BIN1: variants seen among roughly 807,000 people sequenced by gnomAD.
The protein encoded by BIN1 is bridging integrator 1.
In BIN1, 53 loss-of-function variants were observed where a neutral mutation model predicts 82.0. That is an observed-to-expected ratio of 0.65 (90% confidence interval 0.52 to 0.81). The LOEUF is 0.81. BIN1 is among the 40% of genes least tolerant of loss of function. BIN1 has a pLI of 0.00. For synonymous variants in BIN1, 302 were observed against 328.0 expected (o/e 0.92, Z 0.86); for missense variants, 642 against 784.4 (o/e 0.82, Z 2.17).
rs375398827 is a variant in BIN1 at position 127,072,388 on chromosome 2, C to T, written c.166-1572G>A. ...ACTGTCCCACCTGACAGCAAAGAAG[C>T]GGACAGAGGGTCAGCGACCGGCCCA... On this transcript the variant is annotated intron_variant, in intron 2 of 18. Transcript: ENST00000316724. 6.6e-4 allele frequency among the ~76,000 whole-genome samples: 100 copies of T among 152,310 alleles called. 1 individual carries two copies. The highest frequency in any genetic ancestry group is 2.1e-3 in the African/African-American group (87 of 41,572).
chr2:127,070,477 G>A, intron 4 of BIN1, 76 bp downstream of exon 4: 5 of 1,546,380 alleles, frequency 3.2e-6, no homozygotes, highest in Non-Finnish European at 4.4e-6. Context: ...TTGTCCCAGA[G>A]GGCACGGCAG....
chr2:127,061,213 C>A (rs1381646452), intron 10 of BIN1, among the ~76,000 whole-genome samples: 1 of 146,038 alleles, frequency 6.8e-6, no homozygotes, highest in Admixed American at 6.8e-5. Flanking sequence ...CCGCTACCCA[C>A]CCCCCCAACC....
chr2:127,101,006 T>TGGGGGGG (rs368156938), intron 1 of BIN1, among the ~76,000 whole-genome samples: 2 of 109,212 alleles, frequency 1.8e-5, no homozygotes, highest in Non-Finnish European at 3.8e-5. Context: ...GTGCGGGGGG[T>TGGGGGGG]GGGGATAGAC....
At chr2:127,061,007 G>A (rs1684383464) in intron 10 of BIN1, among the ~76,000 whole-genome samples, 1 of 152,154 alleles carries the variant, frequency 6.6e-6, no homozygotes, top group Non-Finnish European at 1.5e-5. Flanking sequence ...CTGGAAGGGA[G>A]ACTCCTGGGC....
intron 1 of BIN1, among the ~76,000 whole-genome samples, chr2:127,080,732 C>T (rs1470709520): frequency 1.3e-5 from 2 of 152,218 alleles, no homozygotes; most frequent in African/African-American, 2.4e-5. Context: ...GTGAGTGGAG[C>T]TGAAGTGCCT....
At chr2:127,060,261 A>G (rs759027130) in intron 10 of BIN1, among the ~76,000 whole-genome samples, 11 of 152,234 alleles carry the variant, frequency 7.2e-5, no homozygotes, top group Non-Finnish European at 1.5e-4. Flanking sequence ...AAAACCCCAC[A>G]GTGCTGCAGT....
rs1052579600 is a variant in BIN1 at position 127,082,738 on chromosome 2, C to A, written c.85-6032G>T. Among the ~76,000 whole-genome samples the A allele has an allele frequency of 6.6e-6, 1 of 152,142 alleles. No individual in the cohort carries two copies. The highest frequency in any genetic ancestry group is 2.4e-5 in the African/African-American group (1 of 41,412). ...CGAGCTGTCCCTGCAACCAGACACA[C>A]AGGACCCCTCTCCCGGCTGCTGCTC... On this transcript the variant is annotated intron_variant, in intron 1 of 18. Transcript: ENST00000316724. The surrounding 1 kb of genome is among the most constrained non-coding windows in gnomAD (Gnocchi z 6.1).
chr2:127,058,784 G>A (rs1684042566), intron 11 of BIN1, among the ~76,000 whole-genome samples: 1 of 152,126 alleles, frequency 6.6e-6, no homozygotes, highest in Admixed American at 6.5e-5. Flanking sequence ...CAGTGGGGGT[G>A]GGGGCTGGGG....
At chr2:127,100,720 T>C (rs1680201700) in intron 1 of BIN1, among the ~76,000 whole-genome samples, 1 of 152,172 alleles carries the variant, frequency 6.6e-6, no homozygotes. Flanking sequence ...TGTCAGCCCT[T>C]GGCAGGTCCA....
intron 1 of BIN1, among the ~76,000 whole-genome samples, chr2:127,102,230 T>C (rs57811456): frequency 6.6e-6 from 1 of 152,212 alleles, no homozygotes; most frequent in African/African-American, 2.4e-5. Flanking sequence ...ACTCAGGGAT[T>C]CTAGAACCTC....
At chr2:127,073,020 C>T (rs1400112533) in intron 2 of BIN1, among the ~76,000 whole-genome samples, 1 of 152,240 alleles carries the variant, frequency 6.6e-6, no homozygotes, top group Non-Finnish European at 1.5e-5. Context: ...CACGCCGTCC[C>T]CACCTCCCCC....
chr2:127,057,664 G>A lies in BIN1; in HGVS notation c.1003-63C>T, dbSNP rs1421796608. 3.5e-6 allele frequency: 5 copies of A among 1,441,534 alleles called. No individual in the cohort carries two copies. Among genetic ancestry groups the A allele is most frequent in the Non-Finnish European group, 4.6e-6 (5 of 1,092,710 alleles). The allele number at this position is 1,441,534 out of a possible 1,614,324, so 89.3% of individuals were successfully genotyped here. On this transcript the variant is annotated intron_variant, in intron 11 of 18. Coordinates refer to ENST00000316724, the MANE Select transcript of BIN1 (RefSeq NM_139343.3). The surrounding 1 kb of genome is among the most constrained non-coding windows in gnomAD (Gnocchi z 5.0). Reference sequence around the variant, plus strand: ...GCACAGCAGAGCACGGGGTTTGGGGGAGACAGACAGAGACAAAGCCACGGT... The same window carrying A: ...GCACAGCAGAGCACGGGGTTTGGGGAAGACAGACAGAGACAAAGCCACGGT...
chr2:127,084,369 C>T (rs58402148), intron 1 of BIN1, among the ~76,000 whole-genome samples: 20,583 of 152,226 alleles, frequency 0.14, 1,808 homozygotes, highest in Non-Finnish European at 0.19. Context: ...GTTTTGCGTT[C>T]GTGATTCATT....
At chr2:127,058,799 G>T (rs1017237451) in intron 11 of BIN1, among the ~76,000 whole-genome samples, 5 of 152,080 alleles carry the variant, frequency 3.3e-5, no homozygotes, top group African/African-American at 1.2e-4. Context: ...CTGGGGAGGA[G>T]CGAGCAAGTC....
chr2:127,060,581 A>T, intron 10 of BIN1: 1 of 1,614,020 alleles, frequency 6.2e-7, no homozygotes, highest in Non-Finnish European at 8.5e-7. Context: ...CCTCCGCAGC[A>T]CTCACTGCCG....
chr2:127,097,317 T>C (rs57197795), intron 1 of BIN1, among the ~76,000 whole-genome samples: 7,002 of 141,754 alleles, frequency 0.049, 382 homozygotes, highest in East Asian at 0.19. Context: ...AGCAGTGTCA[T>C]CCCTCCAGGC....
Position 127,053,135 on chromosome 2 carries a change from C to A in BIN1, c.1263+287G>T, listed in dbSNP as rs1426074249. 5.7e-6 allele frequency: 3 copies of A among 523,066 alleles called. No individual in the cohort carries two copies. In the Admixed American group the frequency reaches 9.3e-5, roughly 16 times the overall value. 32.4% of individuals were successfully genotyped at this position (523,066 alleles called of 1,614,324 possible). ...TGACCGGCCCACTTCTGTCTGGAGG[C>A]AAACACTCACAGGCTGTGAAAACAG... On this transcript the variant is annotated intron_variant, in intron 14 of 18. Coordinates refer to ENST00000316724, the MANE Select transcript of BIN1 (RefSeq NM_139343.3).
In BIN1 at chr2:127,068,795, T is replaced by G. The variant is rs1205463660; in HGVS notation, c.519+129A>C. The G allele has an allele frequency of 1.8e-5, 16 of 885,982 alleles. No individual in the cohort carries two copies. The East Asian group carries it at 3.8e-4, about 21-fold the overall frequency. 54.9% of individuals were successfully genotyped at this position (885,982 alleles called of 1,614,324 possible). A position where few individuals can be genotyped will look rare whatever the true frequency, so the allele number is the denominator to read the frequency against. On this transcript the variant is annotated intron_variant, in intron 6 of 18. Coordinates refer to ENST00000316724, the MANE Select transcript of BIN1 (RefSeq NM_139343.3). This position sits in a 1 kb window ranked among gnomAD's most constrained non-coding sequence, Gnocchi z 4.9. ...GCCTCTCACTCACCGGCCTGGGCCC[T>G]GTATCGTCCCCACCCCCAGTTCAGC...
intron 10 of BIN1, among the ~76,000 whole-genome samples, chr2:127,061,904 C>T (rs913180622): frequency 1.1e-4 from 17 of 152,174 alleles, no homozygotes; most frequent in African/African-American, 3.6e-4. Context: ...GCTCCTTCCT[C>T]GACGAACACA....
Sources: gnomAD v4.1 joint callset for allele counts (sites outside exome capture counted in the v4.1 genomes callset) on GRCh38, gnomAD v4.1.1 for gene constraint, Gnocchi (gnomAD v3.1) non-coding constraint, MANE v1.5 for transcripts, NCBI Gene and HGNC (gene_info 2026-07-23, HGNC 2026-07-21) for gene names.